Variants in NCAM1 observed in about 807,000 individuals in gnomAD.
The protein encoded by NCAM1 is antigen recognized by monoclonal antibody 5.1H11.
Under a neutral mutation model 109.8 loss-of-function variants are expected in NCAM1, and 14 were observed. That is an observed-to-expected ratio of 0.13 (90% confidence interval 0.08 to 0.20). NCAM1 has a LOEUF of 0.20. Among genes scored for constraint, NCAM1 ranks in the 10% least tolerant of loss-of-function variants. NCAM1 has a pLI of 1.00. For synonymous variants in NCAM1, 418 were observed against 442.9 expected (o/e 0.94, Z 0.70); for missense variants, 774 against 1,109.9 (o/e 0.70, Z 4.30).
At chr11:113,028,995 T>G (rs548960899) in intron 1 of NCAM1, among the ~76,000 whole-genome samples, 1 of 152,332 alleles carries the variant, frequency 6.6e-6, no homozygotes, top group Admixed American at 6.5e-5. Flanking sequence ...TGAGCAGAAC[T>G]GAGAATTACC....
At chr11:113,192,609 G>A (rs905438559) in intron 1 of NCAM1, among the ~76,000 whole-genome samples, 1 of 152,236 alleles carries the variant, frequency 6.6e-6, no homozygotes. Context: ...TGGCTCTATT[G>A]GGATGCAGGT....
At chr11:113,094,008 C>T (rs1555089867) in intron 1 of NCAM1, among the ~76,000 whole-genome samples, 1 of 152,174 alleles carries the variant, frequency 6.6e-6, no homozygotes, top group African/African-American at 2.4e-5. Flanking sequence ...AGTGGCTGTT[C>T]CATCTGTGGC....
chr11:113,202,217 A>T lies in NCAM1; in HGVS notation c.53-162A>T, dbSNP rs553155976. 1.5e-3 allele frequency: 1,128 copies of T among 730,136 alleles called. 3 individuals carry two copies. Among genetic ancestry groups the T allele is most frequent in the Non-Finnish European group, 1.9e-3 (855 of 456,626 alleles). 45.2% of individuals were successfully genotyped at this position (730,136 alleles called of 1,614,324 possible). A position where few individuals can be genotyped will look rare whatever the true frequency, so the allele number is the denominator to read the frequency against. On this transcript the variant is annotated intron_variant, in intron 1 of 19. Transcript: ENST00000316851. Reference sequence around the variant, plus strand: ...TTGGTGGCACAAGTTCTCAAACTCCACACAACCTCCTCCCTTCACTCTTTC... The same window carrying T: ...TTGGTGGCACAAGTTCTCAAACTCCTCACAACCTCCTCCCTTCACTCTTTC...
chr11:113,262,105 G>A (rs1331448304), intron 17 of NCAM1, among the ~76,000 whole-genome samples: 2 of 152,174 alleles, frequency 1.3e-5, no homozygotes, highest in Non-Finnish European at 2.9e-5. Context: ...CATTGAATTG[G>A]GATCCGAGAA....
intron 1 of NCAM1, among the ~76,000 whole-genome samples, chr11:113,043,536 C>T (rs1953151902): frequency 6.6e-6 from 1 of 152,070 alleles, no homozygotes; most frequent in Admixed American, 6.6e-5. Flanking sequence ...AGGGTTTCAC[C>T]ATGTTGGCCA....
chr11:112,965,404 T>C (rs1251469912), intron 1 of NCAM1, among the ~76,000 whole-genome samples: 2 of 151,624 alleles, frequency 1.3e-5, no homozygotes, highest in Non-Finnish European at 2.9e-5. Context: ...GGAATCCATT[T>C]ATCATTAATT....
intron 17 of NCAM1, chr11:113,262,868 A>G: frequency 6.2e-7 from 1 of 1,613,928 alleles, no homozygotes; most frequent in Non-Finnish European, 8.5e-7. Flanking sequence ...GCAATTCTGC[A>G]TCCTACACCT....
intron 17 of NCAM1, chr11:113,264,922 CCAGGAGTCCTGGAGA>C: frequency 1.0e-6 from 1 of 985,778 alleles, no homozygotes; most frequent in Non-Finnish European, 1.2e-6. Flanking sequence ...CCCAGCCCCG[CCAGGAGTCCTGGAGA>C]CAGCAGCCCT....
At chr11:112,986,252 G>A (rs1379699544) in intron 1 of NCAM1, among the ~76,000 whole-genome samples, 1 of 151,914 alleles carries the variant, frequency 6.6e-6, no homozygotes, top group Non-Finnish European at 1.5e-5. Context: ...TGTTTTCGAG[G>A]AATATATCCC....
intron 1 of NCAM1, among the ~76,000 whole-genome samples, chr11:113,014,453 G>T (rs782674783): frequency 2.0e-5 from 3 of 152,126 alleles, no homozygotes; most frequent in African/African-American, 4.8e-5. Context: ...ATTCCCGTCT[G>T]CCCAGCATCA....
At chr11:113,049,805 A>G (rs1314364933) in intron 1 of NCAM1, among the ~76,000 whole-genome samples, 1 of 152,178 alleles carries the variant, frequency 6.6e-6, no homozygotes, top group African/African-American at 2.4e-5. Context: ...TTCCCATAAA[A>G]CTAAACAGCT....
At chr11:113,166,489 C>T (rs758694786) in intron 1 of NCAM1, among the ~76,000 whole-genome samples, 4 of 152,240 alleles carry the variant, frequency 2.6e-5, no homozygotes, top group Non-Finnish European at 5.9e-5. Context: ...TCAGCCTCAA[C>T]TTCCTCACCT....
intron 1 of NCAM1, among the ~76,000 whole-genome samples, chr11:113,000,181 T>C (rs1463518398): frequency 6.6e-6 from 1 of 152,224 alleles, no homozygotes; most frequent in Non-Finnish European, 1.5e-5. Context: ...TCGGCAAGTA[T>C]TCTTTGAGTC....
At chr11:113,234,465 C>T (rs1555117876) in intron 13 of NCAM1, among the ~76,000 whole-genome samples, 1 of 152,158 alleles carries the variant, frequency 6.6e-6, no homozygotes, top group East Asian at 1.9e-4. Flanking sequence ...CTCCTCCCAG[C>T]CCCTGGCAAC....
intron 14 of NCAM1, chr11:113,242,722 A>C: frequency 8.3e-7 from 1 of 1,204,778 alleles, no homozygotes; most frequent in Non-Finnish European, 1.2e-6. Flanking sequence ...CCATGTATGT[A>C]TACATATATA....
At chr11:113,045,723 A>C (rs1953246310) in intron 1 of NCAM1, among the ~76,000 whole-genome samples, 1 of 152,198 alleles carries the variant, frequency 6.6e-6, no homozygotes, top group African/African-American at 2.4e-5. Flanking sequence ...AGAATGGATA[A>C]ATTCCTTTAT....
chr11:113,277,985 G>A lies in NCAM1; in HGVS notation c.*2598G>A, dbSNP rs1270809681. 7.2e-5 allele frequency: 11 copies of A among 151,814 alleles called. No homozygotes were observed. The highest frequency in any genetic ancestry group is 2.2e-4 in the African/African-American group (9 of 41,258). 9.4% of individuals were successfully genotyped at this position (151,814 alleles called of 1,614,324 possible). A position where few individuals can be genotyped will look rare whatever the true frequency, so the allele number is the denominator to read the frequency against. ...TTTTCTTTTTTAATTTTTGAAGGAG[G>A]GATCAACTCCAGTTTCCAATGTCTA... On this transcript the variant is annotated 3_prime_UTR_variant, in exon 20 of 20. Coordinates refer to ENST00000316851, the MANE Select transcript of NCAM1 (RefSeq NM_181351.5).
chr11:113,228,543 G>T (rs1303163046), intron 9 of NCAM1, among the ~76,000 whole-genome samples: 2 of 152,122 alleles, frequency 1.3e-5, no homozygotes, highest in African/African-American at 4.8e-5. Flanking sequence ...TCCCCATCAA[G>T]CTACCAATGA....
chr11:112,962,738 C>T lies in NCAM1; in HGVS notation c.52+1074C>T, dbSNP rs1555063671. Among the ~76,000 whole-genome samples the T allele has an allele frequency of 2.0e-5, 3 of 152,026 alleles. No individual in the cohort carries two copies. The highest frequency in any genetic ancestry group is 4.4e-5 in the Non-Finnish European group (3 of 67,976). ...TCCCTGGAAAATTCTTCTGTGCGTGCCCACCCTCCCCTCCAGCTGTCATCC... is the reference window on the plus strand; with the variant it reads ...TCCCTGGAAAATTCTTCTGTGCGTGTCCACCCTCCCCTCCAGCTGTCATCC... On this transcript the variant is annotated intron_variant, in intron 1 of 19. Transcript: ENST00000316851. This position sits in a 1 kb window ranked among gnomAD's most constrained non-coding sequence, Gnocchi z 5.6.
Sources: allele counts gnomAD v4.1 joint callset (sites outside exome capture counted in the v4.1 genomes callset), GRCh38; gene constraint gnomAD v4.1.1; non-coding constraint Gnocchi (gnomAD v3.1); transcripts MANE v1.5; gene names NCBI Gene and HGNC (gene_info 2026-07-23, HGNC 2026-07-21).